KLF12: variants seen among roughly 807,000 people sequenced by gnomAD.
The protein encoded by KLF12 is KLF transcription factor 12.
KLF12 carries 9 observed loss-of-function variants against 37.8 expected under a neutral mutation model. The ratio of observed to expected loss-of-function variants is 0.24; its 90% CI spans 0.14 to 0.42. The LOEUF is 0.42. Among genes scored for constraint, KLF12 ranks in the 10% least tolerant of loss-of-function variants. The pLI is 1.00. For synonymous variants in KLF12, 208 were observed against 202.1 expected (o/e 1.03, Z -0.25); for missense variants, 411 against 516.0 (o/e 0.80, Z 1.97).
At chr13:73,985,612 C>T (rs1037283301) in intron 2 of KLF12, among the ~76,000 whole-genome samples, 6 of 152,158 alleles carry the variant, frequency 3.9e-5, no homozygotes, top group Non-Finnish European at 8.8e-5. Flanking sequence ...TGTGTTTGCT[C>T]TCAATCTTCC....
the KLF12 span, among the ~76,000 whole-genome samples, chr13:74,277,364 A>T: frequency 6.6e-6 from 1 of 152,144 alleles, no homozygotes; most frequent in African/African-American, 2.4e-5. Flanking sequence ...GACCTGCCCA[A>T]CAGGATGTGG....
chr13:74,049,735 AG>A (rs1168295341), intron 1 of KLF12, among the ~76,000 whole-genome samples: 1 of 152,196 alleles, frequency 6.6e-6, no homozygotes, highest in African/African-American at 2.4e-5. Context: ...TGAGAGCTAA[AG>A]AGAGAAGAGA....
At chr13:74,291,854 G>A in the KLF12 span, among the ~76,000 whole-genome samples, 35 of 152,178 alleles carry the variant, frequency 2.3e-4, 2 homozygotes. Context: ...AAATTCAGTA[G>A]CTAATATCAA....
intron 1 of KLF12, among the ~76,000 whole-genome samples, chr13:74,022,895 C>T (rs564003709): frequency 2.0e-5 from 3 of 151,972 alleles, no homozygotes; most frequent in Non-Finnish European, 2.9e-5. Flanking sequence ...AAAAAATCAC[C>T]GGGAGCTTCA....
intron 2 of KLF12, among the ~76,000 whole-genome samples, chr13:73,983,501 C>A (rs1359543970): frequency 4.6e-5 from 7 of 152,192 alleles, no homozygotes; most frequent in African/African-American, 1.7e-4. Flanking sequence ...GCCAATCTTG[C>A]CTCTAACTTA....
At chr13:74,026,545 T>C (rs1892979981) in intron 1 of KLF12, among the ~76,000 whole-genome samples, 1 of 152,216 alleles carries the variant, frequency 6.6e-6, no homozygotes, top group Non-Finnish European at 1.5e-5. Flanking sequence ...TACATATGCA[T>C]GCACATATTT....
chr13:74,017,681 A>G (rs1892733432), intron 1 of KLF12, among the ~76,000 whole-genome samples: 1 of 151,596 alleles, frequency 6.6e-6, no homozygotes, highest in South Asian at 2.1e-4. Flanking sequence ...TAAGTTGGCG[A>G]CTGTCAAAAA....
the KLF12 span, among the ~76,000 whole-genome samples, chr13:74,199,866 G>T: frequency 2.6e-5 from 4 of 152,068 alleles, no homozygotes; most frequent in Non-Finnish European, 5.9e-5. Flanking sequence ...TCTACACAGA[G>T]ACTTCATCTT....
At chr13:73,873,127 T>C (rs1216835298) in intron 3 of KLF12, among the ~76,000 whole-genome samples, 2 of 151,830 alleles carry the variant, frequency 1.3e-5, no homozygotes, top group African/African-American at 4.8e-5. Flanking sequence ...AGAAAGAATC[T>C]TTATTTTATA....
chr13:74,233,830 C>T, the KLF12 span, among the ~76,000 whole-genome samples: 22 of 152,060 alleles, frequency 1.4e-4, no homozygotes, highest in African/African-American at 2.9e-4. Context: ...GGTAATATTG[C>T]GGGATACAAG....
chr13:74,121,755 C>A (rs1877646490), intron 1 of KLF12, among the ~76,000 whole-genome samples: 1 of 151,902 alleles, frequency 6.6e-6, no homozygotes, highest in Non-Finnish European at 1.5e-5. Flanking sequence ...ATATTCCTCA[C>A]ATATGAATGC....
At chr13:74,144,066 C>T in the KLF12 span, among the ~76,000 whole-genome samples, 2 of 152,244 alleles carry the variant, frequency 1.3e-5, no homozygotes, top group African/African-American at 4.8e-5. Context: ...GTAGGAGTTC[C>T]ACAAGGCCAG....
At chr13:73,884,371 T>G (rs1226258761) in intron 3 of KLF12, among the ~76,000 whole-genome samples, 1 of 152,214 alleles carries the variant, frequency 6.6e-6, no homozygotes, top group Non-Finnish European at 1.5e-5. Flanking sequence ...CACAATCACA[T>G]TCTCCAGTGT....
intron 5 of KLF12, among the ~76,000 whole-genome samples, chr13:73,790,977 A>C (rs1382303013): frequency 1.3e-5 from 2 of 152,206 alleles, no homozygotes; most frequent in Non-Finnish European, 2.9e-5. Flanking sequence ...AAATTTTTCT[A>C]GTCTGATCTT....
the KLF12 span, among the ~76,000 whole-genome samples, chr13:74,244,111 TG>T: frequency 6.6e-6 from 1 of 152,198 alleles, no homozygotes; most frequent in Non-Finnish European, 1.5e-5. Flanking sequence ...ACCTTTAGAG[TG>T]AAAAGTGTCA....
chr13:74,179,707 G>A, the KLF12 span, among the ~76,000 whole-genome samples: 2 of 152,146 alleles, frequency 1.3e-5, no homozygotes, highest in African/African-American at 2.4e-5. Context: ...AATCAACACT[G>A]CAGAATAGTG....
chr13:74,183,493 A>C, the KLF12 span, among the ~76,000 whole-genome samples: 1 of 152,198 alleles, frequency 6.6e-6, no homozygotes, highest in Non-Finnish European at 1.5e-5. Flanking sequence ...AAAACACTTT[A>C]ATGTTCTTGC....
At chr13:73,984,411 A>G (rs1036679543) in intron 2 of KLF12, among the ~76,000 whole-genome samples, 2 of 152,108 alleles carry the variant, frequency 1.3e-5, no homozygotes, top group Non-Finnish European at 2.9e-5. Context: ...TTTTATTCAT[A>G]GGCCATGACG....
intron 5 of KLF12, among the ~76,000 whole-genome samples, chr13:73,777,044 T>C (rs947142219): frequency 3.3e-5 from 5 of 151,596 alleles, no homozygotes; most frequent in Non-Finnish European, 7.4e-5. Context: ...AGAAGAAGAG[T>C]TGGAAGGCAG....
Sources: allele counts gnomAD v4.1 joint callset (sites outside exome capture counted in the v4.1 genomes callset), GRCh38; gene constraint gnomAD v4.1.1; transcripts MANE v1.5; gene names NCBI Gene and HGNC (gene_info 2026-07-23, HGNC 2026-07-21).